Variants in RYR2 observed in about 807,000 individuals in gnomAD.
The protein encoded by RYR2 is ryanodine receptor 2.
In RYR2, 227 loss-of-function variants were observed where a neutral mutation model predicts 601.1. The observed-to-expected ratio is 0.38, with a 90% CI of 0.34 to 0.42. The LOEUF is 0.42. Among genes scored for constraint, RYR2 ranks in the 10% least tolerant of loss-of-function variants. RYR2 has a pLI of 1.00. For synonymous variants in RYR2, 2,223 were observed against 2,175.1 expected (o/e 1.02, Z -0.61); for missense variants, 4,646 against 6,156.5 (o/e 0.75, Z 8.21).
At chr1:237,474,267 CTA>C (rs1661142325) in intron 17 of RYR2, among the ~76,000 whole-genome samples, 1 of 69,538 alleles carries the variant, frequency 1.4e-5, no homozygotes. Flanking sequence ...GTATAGATAC[CTA>C]CACACACACA....
intron 24 of RYR2, among the ~76,000 whole-genome samples, chr1:237,521,754 A>T (rs1667110175): frequency 6.6e-6 from 1 of 150,442 alleles, no homozygotes; most frequent in Admixed American, 6.7e-5. Flanking sequence ...ATAAAAAAAA[A>T]TAAAATCCAT....
At chr1:237,652,513 A>T (rs1385783409) in intron 51 of RYR2, among the ~76,000 whole-genome samples, 1 of 152,170 alleles carries the variant, frequency 6.6e-6, no homozygotes, top group East Asian at 1.9e-4. Context: ...AAGAAGTATG[A>T]GATATAAAGA....
intron 38 of RYR2, among the ~76,000 whole-genome samples, chr1:237,620,705 A>G (rs754195386): frequency 8.5e-5 from 13 of 152,104 alleles, no homozygotes; most frequent in Non-Finnish European, 1.8e-4. Context: ...GGAGATAAGG[A>G]TCATACATAA....
At chr1:237,243,440 C>T (rs562222021) in intron 1 of RYR2, among the ~76,000 whole-genome samples, 3 of 152,194 alleles carry the variant, frequency 2.0e-5, no homozygotes, top group African/African-American at 7.2e-5. Flanking sequence ...AAGACTCCTG[C>T]GAAGGGTACA....
Position 237,516,571 on chromosome 1 carries a change from C to A in RYR2, c.2822+4780C>A, listed in dbSNP as rs149670181. On this transcript the variant is annotated intron_variant, in intron 24 of 104. Coordinates refer to ENST00000366574, the MANE Select transcript of RYR2 (RefSeq NM_001035.3). ...ATACCTCCCCAAATATCCATCTCTA[C>A]CCCAGACATCTGCTCTGAGTGACGG... Among the ~76,000 whole-genome samples the A allele has an allele frequency of 2.9e-4, 44 of 152,310 alleles. 1 individual carries two copies. In the East Asian group the frequency reaches 7.9e-3, roughly 27 times the overall value.
chr1:237,348,270 A>G (rs929414684), intron 3 of RYR2, among the ~76,000 whole-genome samples: 2 of 152,178 alleles, frequency 1.3e-5, no homozygotes, highest in Non-Finnish European at 2.9e-5. Context: ...CCACTATTCC[A>G]GATCATTTTT....
intron 49 of RYR2, among the ~76,000 whole-genome samples, chr1:237,649,106 A>G (rs888617290): frequency 1.3e-5 from 2 of 152,258 alleles, no homozygotes; most frequent in Admixed American, 1.3e-4. Flanking sequence ...GCCCACATGG[A>G]GAATCTGCCA....
intron 62 of RYR2, among the ~76,000 whole-genome samples, chr1:237,683,023 G>A (rs534187756): frequency 1.3e-3 from 192 of 152,110 alleles, no homozygotes; most frequent in African/African-American, 4.4e-3. Flanking sequence ...TAATACTTTC[G>A]GAAAATGATC....
intron 1 of RYR2, among the ~76,000 whole-genome samples, chr1:237,063,802 A>AT (rs1663190138): frequency 6.6e-6 from 1 of 152,120 alleles, no homozygotes; most frequent in Non-Finnish European, 1.5e-5. Context: ...CTGACAAGAT[A>AT]TTCTCTCAGT....
chr1:237,721,954 A>G (rs890493410), intron 73 of RYR2, among the ~76,000 whole-genome samples: 1 of 152,254 alleles, frequency 6.6e-6, no homozygotes, highest in African/African-American at 2.4e-5. Context: ...AAGATTTCAT[A>G]TACGTTTTTC....
chr1:237,538,156 G>C (rs1019874249), intron 25 of RYR2, among the ~76,000 whole-genome samples: 2 of 151,446 alleles, frequency 1.3e-5, no homozygotes, highest in South Asian at 2.1e-4. Flanking sequence ...TTGGGAAGTC[G>C]AGGTGGGCAG....
chr1:237,261,213 T>A, intron 1 of RYR2, among the ~76,000 whole-genome samples: 1 of 152,140 alleles, frequency 6.6e-6, no homozygotes, highest in East Asian at 1.9e-4. Context: ...CTGCTACCAT[T>A]CTGTTTTGAG....
chr1:237,105,153 C>T (rs1668525922), intron 1 of RYR2, among the ~76,000 whole-genome samples: 1 of 152,170 alleles, frequency 6.6e-6, no homozygotes, highest in South Asian at 2.1e-4. Context: ...CTTTGTTCAC[C>T]TTACGTTTGG....
rs747549741 is a variant in RYR2 at position 237,423,195 on chromosome 1, G to A, written c.952G>A (p.Asp318Asn). Residue 318 changes from aspartate (D) to asparagine (N), a missense_variant, in exon 12 of 105, where the codon GAC becomes AAC. Transcript: ENST00000366574. ...LMEDKNLLLMDKEKADVKSTA... is the reference protein window; with the variant it reads ...LMEDKNLLLMNKEKADVKSTA... ...GGAAGACAAAAACCTTCTACTCATG[G>A]ACAAAGAGAAAGCTGATGTAAAATC... 5 of 1,613,680 alleles carry A rather than the reference G, an allele frequency of 3.1e-6. No individual in the cohort carries two copies. The highest frequency in any genetic ancestry group is 2.5e-6 in the Non-Finnish European group (3 of 1,179,778).
chr1:237,460,721 G>A (rs1572425327), intron 16 of RYR2, among the ~76,000 whole-genome samples: 1 of 152,212 alleles, frequency 6.6e-6, no homozygotes, highest in South Asian at 2.1e-4. Context: ...TTCCTTTCTT[G>A]AAAAATAAGC....
chr1:237,373,176 G>C (rs2149774868), intron 6 of RYR2, among the ~76,000 whole-genome samples: 1 of 152,292 alleles, frequency 6.6e-6, no homozygotes, highest in South Asian at 2.1e-4. Flanking sequence ...ATAAACATAG[G>C]GGATTATCGT....
At position 237,658,104 on chromosome 1, in the gene RYR2, TC is replaced by T. The variant is rs560679803; in HGVS notation, c.8208+83del. On this transcript the variant is annotated intron_variant, in intron 54 of 104. Coordinates refer to ENST00000366574, the MANE Select transcript of RYR2 (RefSeq NM_001035.3). ...CAAATATTTCTGACCATGACAGTTT[TC>T]TGTTTTAAAATGAGAACTTGATCTA... is the stretch of plus-strand genomic sequence containing the variant. 642 of 780,640 alleles carry T rather than the reference TC, an allele frequency of 8.2e-4. 5 individuals are homozygous for T. In the African/African-American group the frequency reaches 0.011, roughly 13 times the overall value. 48.4% of individuals were successfully genotyped at this position (780,640 alleles called of 1,614,324 possible).
chr1:237,606,057 GA>G (rs1391061343), intron 35 of RYR2, among the ~76,000 whole-genome samples: 31 of 151,084 alleles, frequency 2.1e-4, no homozygotes, highest in Non-Finnish European at 3.7e-4. Flanking sequence ...CACAGAATTG[GA>G]AAAAACTACT....
intron 89 of RYR2, among the ~76,000 whole-genome samples, chr1:237,783,343 TTTA>T (rs1695281853): frequency 6.6e-6 from 1 of 152,206 alleles, no homozygotes; most frequent in African/African-American, 2.4e-5. Flanking sequence ...AATGTTTATT[TTTA>T]TTATTAATAT....
Sources: allele counts gnomAD v4.1 joint callset (sites outside exome capture counted in the v4.1 genomes callset), GRCh38; gene constraint gnomAD v4.1.1; transcripts MANE v1.5; gene names NCBI Gene and HGNC (gene_info 2026-07-23, HGNC 2026-07-21).